Variants in SPATS2 observed in about 807,000 individuals in gnomAD.
SPATS2 encodes the protein spermatogenesis-associated serine-rich protein 2.
A neutral mutation model predicts 63.7 loss-of-function variants in SPATS2; 38 were observed. The ratio of observed to expected loss-of-function variants is 0.60; its 90% CI spans 0.46 to 0.78. The LOEUF (loss-of-function observed/expected upper bound fraction) is 0.78, where lower values mean the gene tolerates loss of function less well. Ranked by LOEUF, SPATS2 falls within the 30% of genes least tolerant of loss-of-function variation. The pLI is 0.00. For missense variants in SPATS2, 588 were observed against 666.2 expected (o/e 0.88, Z 1.29); for synonymous variants, 207 against 232.9 (o/e 0.89, Z 1.01).
intron 2 of SPATS2, among the ~76,000 whole-genome samples, chr12:49,439,581 A>G (rs1398066709): frequency 2.0e-5 from 3 of 152,180 alleles, no homozygotes; most frequent in African/African-American, 7.2e-5. Context: ...GTCAAGGATA[A>G]TTACAGGGCT....
chr12:49,502,676 C>T (rs888638728), intron 9 of SPATS2, among the ~76,000 whole-genome samples: 1 of 152,166 alleles, frequency 6.6e-6, no homozygotes, highest in African/African-American at 2.4e-5. Context: ...AGGCTGGTCT[C>T]CAATTCCTGG....
intron 2 of SPATS2, among the ~76,000 whole-genome samples, chr12:49,382,426 T>C (rs1451636964): frequency 6.6e-6 from 1 of 152,278 alleles, no homozygotes; most frequent in African/African-American, 2.4e-5. Flanking sequence ...TTTGTGCTGA[T>C]ACAAGAATTT....
chr12:49,447,320 C>T (rs1459215157), intron 2 of SPATS2, among the ~76,000 whole-genome samples: 3 of 152,026 alleles, frequency 2.0e-5, no homozygotes, highest in Non-Finnish European at 4.4e-5. Flanking sequence ...CTCACTGCAA[C>T]CTCCGCCTCC....
chr12:49,470,929 A>G (rs1427979879), intron 3 of SPATS2, among the ~76,000 whole-genome samples: 12 of 152,354 alleles, frequency 7.9e-5, no homozygotes, highest in African/African-American at 2.9e-4. Context: ...ATTGTGTGAC[A>G]TCCTCTTTTT....
Position 49,524,782 on chromosome 12 carries a change from C to T in SPATS2, c.1212C>T (p.Ser404=), listed in dbSNP as rs373957679. The T allele has an allele frequency of 1.6e-5, 26 of 1,614,022 alleles. No individual in the cohort carries two copies. The highest frequency in any genetic ancestry group is 2.1e-5 in the Non-Finnish European group (25 of 1,180,038). ...SPSDASAASS[S]TCASPPSLTS... ...GTGATGCCTCTGCTGCTTCCTCTTCCACCTGTGCCTCTCCTCCCAGCCTTA... is the reference window on the plus strand; with the variant it reads ...GTGATGCCTCTGCTGCTTCCTCTTCTACCTGTGCCTCTCCTCCCAGCCTTA... The change falls in exon 13 of 14, where the codon TCC becomes TCT. Residue 404 remains serine (S), a synonymous_variant. Coordinates refer to ENST00000552918, the MANE Select transcript of SPATS2 (RefSeq NM_023071.4).
intron 2 of SPATS2, among the ~76,000 whole-genome samples, chr12:49,394,598 T>C (rs1414838753): frequency 6.6e-6 from 1 of 152,122 alleles, no homozygotes; most frequent in Non-Finnish European, 1.5e-5. Flanking sequence ...TTACAAATTT[T>C]ATATTTAATG....
At chr12:49,411,623 A>G (rs1048654515) in intron 2 of SPATS2, among the ~76,000 whole-genome samples, 2 of 152,202 alleles carry the variant, frequency 1.3e-5, no homozygotes, top group African/African-American at 4.8e-5. Flanking sequence ...TTAGGATTAT[A>G]TTTGATTTTT....
At chr12:49,483,137 G>GAAA (rs201106429) in intron 3 of SPATS2, among the ~76,000 whole-genome samples, 1 of 81,986 alleles carries the variant, frequency 1.2e-5, no homozygotes, top group Non-Finnish European at 2.6e-5. Context: ...GTTGTTAAAG[G>GAAA]AAAAAAAAAA....
rs571702759 is a variant in SPATS2, at chr12:49,426,683, A to G, written c.-243-34087A>G. 6.6e-4 allele frequency among the ~76,000 whole-genome samples: 100 copies of G among 152,296 alleles called. 1 individual carries two copies. The highest frequency in any genetic ancestry group is 2.4e-3 in the African/African-American group (98 of 41,570). On this transcript the variant is annotated intron_variant, in intron 2 of 13. Coordinates refer to ENST00000552918, the MANE Select transcript of SPATS2 (RefSeq NM_023071.4). ...CTCAGCCTCCCGAGTAGCTGGGACT[A>G]CAGGCGCCCGCCACCTCGCCCAGCT...
chr12:49,435,363 C>T lies in SPATS2; in HGVS notation c.-243-25407C>T, dbSNP rs573162118. 1.5e-3 allele frequency among the ~76,000 whole-genome samples: 205 copies of T among 140,874 alleles called. 2 individuals are homozygous for T. Among genetic ancestry groups the T allele is most frequent in the Admixed American group, 2.7e-3 (36 of 13,374 alleles). 92.4% of individuals were successfully genotyped at this position (140,874 alleles called of 152,430 possible). A position where few individuals can be genotyped will look rare whatever the true frequency, so the allele number is the denominator to read the frequency against. On this transcript the variant is annotated intron_variant, in intron 2 of 13. Transcript: ENST00000552918. ...TTTTAAAGATAAGGTCTAGCTTTGT[C>T]GCCCGGGCCAGAGTGCCATGGTATG...
intron 3 of SPATS2, among the ~76,000 whole-genome samples, chr12:49,478,010 T>C (rs1946148468): frequency 1.3e-5 from 2 of 150,232 alleles, no homozygotes. Flanking sequence ...GGTCTTGCTC[T>C]GTTGCCCAGG....
At chr12:49,431,007 G>A (rs780002885) in intron 2 of SPATS2, among the ~76,000 whole-genome samples, 2 of 152,082 alleles carry the variant, frequency 1.3e-5, no homozygotes, top group East Asian at 1.9e-4. Flanking sequence ...TAAAAAGGGT[G>A]CGCTATTAAT....
At position 49,394,351 on chromosome 12, in the gene SPATS2, A is replaced by C. The variant is rs180763118; in HGVS notation, c.-244+23061A>C. ...AAGACCTTGTCTCCAAAAAAAAAAA[A>C]AAAAAACAGAACTAGTTTGCTGGAT... On this transcript the variant is annotated intron_variant, in intron 2 of 13. Transcript: ENST00000552918. 2.2e-4 allele frequency among the ~76,000 whole-genome samples: 33 copies of C among 152,054 alleles called. No homozygotes were observed. The East Asian group carries it at 6.4e-3, about 29-fold the overall frequency.
At chr12:49,377,598 T>C (rs2137168422) in intron 2 of SPATS2, among the ~76,000 whole-genome samples, 1 of 152,298 alleles carries the variant, frequency 6.6e-6, no homozygotes, top group Middle Eastern at 3.4e-3. Flanking sequence ...TTATTAACCT[T>C]TTTGGTAGCT....
At chr12:49,420,267 A>G (rs546166070) in intron 2 of SPATS2, among the ~76,000 whole-genome samples, 75 of 152,314 alleles carry the variant, frequency 4.9e-4, no homozygotes, top group African/African-American at 1.7e-3. Flanking sequence ...TTAAGGGATT[A>G]AAAAACAGGC....
chr12:49,523,306 C>G (rs558073580), intron 12 of SPATS2, among the ~76,000 whole-genome samples: 1 of 147,328 alleles, frequency 6.8e-6, no homozygotes, highest in Admixed American at 6.9e-5. Context: ...GAGGTTCCAT[C>G]TCTTCAAAAA....
rs749730463 is a variant in SPATS2, at chr12:49,494,789, G to C, written c.313G>C (p.Gly105Arg). 3 of 1,610,196 alleles carry C rather than the reference G, an allele frequency of 1.9e-6. No homozygotes were observed. The highest frequency in any genetic ancestry group is 2.5e-6 in the Non-Finnish European group (3 of 1,178,232). ...KPKPAAEPSN[G>R]IPDSSKSVSI... Reference sequence around the variant, plus strand: ...GAAACCTGCCGCAGAACCAAGTAACGGCATCCCAGATTCCAGTAAATCAGT... The same window carrying C: ...GAAACCTGCCGCAGAACCAAGTAACCGCATCCCAGATTCCAGTAAATCAGT... The change falls in exon 7 of 14, where the codon GGC (glycine) becomes CGC (arginine). Residue 105 changes from glycine to arginine, a missense_variant. Physicochemically the swap from Gly to Arg is moderately radical, Grantham distance 125. Coordinates refer to ENST00000552918, the MANE Select transcript of SPATS2 (RefSeq NM_023071.4).
chr12:49,525,797 G>A, intron 13 of SPATS2, 147 bp from the exon 14 acceptor site: 1 of 840,312 alleles, frequency 1.2e-6, no homozygotes, highest in Non-Finnish European at 1.8e-6. Flanking sequence ...AGGTTGGATT[G>A]GCTGAGAGAA....
chr12:49,453,090 C>T (rs1005646484), intron 2 of SPATS2, among the ~76,000 whole-genome samples: 3 of 147,630 alleles, frequency 2.0e-5, no homozygotes, highest in East Asian at 2.0e-4. Context: ...ACCCGGGAGG[C>T]GGAGCTTGCA....
Sources: allele counts gnomAD v4.1 joint callset (sites outside exome capture counted in the v4.1 genomes callset), GRCh38; gene constraint gnomAD v4.1.1; transcripts MANE v1.5; gene names NCBI Gene and HGNC (gene_info 2026-07-23, HGNC 2026-07-21).